The following COG7 variants were observed in gnomAD, a reference collection of about 807,000 sequenced individuals.
COG7 encodes component of oligomeric golgi complex 7.
A neutral mutation model predicts 91.5 loss-of-function variants in COG7; 49 were observed. The ratio of observed to expected loss-of-function variants is 0.54; its 90% CI spans 0.43 to 0.68. COG7 has a LOEUF of 0.68. Among genes scored for constraint, COG7 ranks in the 30% least tolerant of loss-of-function variants. The probability of loss-of-function intolerance (pLI) is 0.00; values close to 1 mark genes in which losing one functional copy is unlikely to be tolerated. For synonymous variants in COG7, 365 were observed against 388.7 expected (o/e 0.94, Z 0.72); for missense variants, 895 against 961.3 (o/e 0.93, Z 0.91).
chr16:23,431,811 G>GAAAAA, intron 6 of COG7, among the ~76,000 whole-genome samples: 1 of 43,254 alleles, frequency 2.3e-5, no homozygotes, highest in East Asian at 8.0e-4. Flanking sequence ...TCTGTCTGAA[G>GAAAAA]AAAAAAAAAA....
intron 6 of COG7, among the ~76,000 whole-genome samples, chr16:23,430,306 G>A (rs1049833927): frequency 2.6e-5 from 4 of 151,956 alleles, no homozygotes; most frequent in Non-Finnish European, 5.9e-5. Flanking sequence ...GCACGCACCT[G>A]TAGTCCCAGT....
At chr16:23,405,940 G>A in intron 12 of COG7, 136 bp downstream of exon 12, 3 of 793,642 alleles carry the variant, frequency 3.8e-6, no homozygotes, top group Non-Finnish European at 6.7e-6. Context: ...CAACATAAAT[G>A]AGACAGAGAG....
Position 23,404,395 on chromosome 16 carries a change from A to T in COG7, c.1663-561T>A, listed in dbSNP as rs118164971. Among the ~76,000 whole-genome samples the T allele has an allele frequency of 6.9e-3, 1,049 of 152,388 alleles. 5 individuals are homozygous for T. The highest frequency in any genetic ancestry group is 0.011 in the Non-Finnish European group (774 of 68,036). ...TATAAATGAACTGATTACAACAGAC[A>T]TAAATCAGATTAGCAATAAAGATAA... On this transcript the variant is annotated intron_variant, in intron 12 of 16. Transcript: ENST00000307149.
intron 8 of COG7, chr16:23,417,376 A>C (rs768778243): frequency 1.5e-5 from 8 of 532,632 alleles, no homozygotes; most frequent in Non-Finnish European, 2.7e-5. Context: ...AATGTTTTTC[A>C]TTGCTTTCCT....
At chr16:23,413,671 C>A in intron 9 of COG7, 107 bp from the exon 10 acceptor site, 1 of 769,372 alleles carries the variant, frequency 1.3e-6, no homozygotes, top group Non-Finnish European at 2.4e-6. Flanking sequence ...GCCTTGAGAG[C>A]ATCTTTAGAG....
rs1251917924 is a variant in COG7 at position 23,423,187 on chromosome 16, G to A, written c.1009+1562C>T. ...TCGAGACCAGCCTGGCCAACATGGC[G>A]AAACCCCATCTCTACTAAAAAATAC... On this transcript the variant is annotated intron_variant, in intron 7 of 16. Transcript: ENST00000307149. 5.9e-5 allele frequency among the ~76,000 whole-genome samples: 9 copies of A among 151,782 alleles called. 1 individual carries two copies. Among genetic ancestry groups the A allele is most frequent in the African/African-American group, 1.7e-4 (7 of 41,368 alleles).
At chr16:23,443,579 T>G (rs1365559980) in intron 3 of COG7, among the ~76,000 whole-genome samples, 1 of 151,432 alleles carries the variant, frequency 6.6e-6, no homozygotes, top group Non-Finnish European at 1.5e-5. Context: ...TAATCCCAGC[T>G]ACTCGGGAGG....
chr16:23,438,169 A>C (rs1964042293), intron 4 of COG7, among the ~76,000 whole-genome samples: 2 of 152,310 alleles, frequency 1.3e-5, no homozygotes, highest in African/African-American at 4.8e-5. Flanking sequence ...GAATGGGAGA[A>C]AATATTTGCA....
At chr16:23,447,483 T>C (rs1446811203) in intron 1 of COG7, among the ~76,000 whole-genome samples, 1 of 150,726 alleles carries the variant, frequency 6.6e-6, no homozygotes, top group Non-Finnish European at 1.5e-5. Context: ...AGTGCTGGGA[T>C]TACAGGCATA....
At chr16:23,429,237 G>T (rs1376882932) in intron 6 of COG7, among the ~76,000 whole-genome samples, 1 of 151,580 alleles carries the variant, frequency 6.6e-6, no homozygotes, top group Non-Finnish European at 1.5e-5. Flanking sequence ...CAATCCTCCT[G>T]CCTTGGCCTC....
At chr16:23,426,834 A>AAAAAAAAG (rs1555495229) in intron 6 of COG7, among the ~76,000 whole-genome samples, 39 of 146,114 alleles carry the variant, frequency 2.7e-4, no homozygotes, top group East Asian at 6.1e-4. Context: ...AAAAAAAAAA[A>AAAAAAAAG]AAAGAAAGAA....
At chr16:23,435,196 T>G (rs1228708722) in intron 4 of COG7, among the ~76,000 whole-genome samples, 1 of 152,078 alleles carries the variant, frequency 6.6e-6, no homozygotes, top group Non-Finnish European at 1.5e-5. Flanking sequence ...AAACCCCATC[T>G]CTACTAAAAG....
At chr16:23,396,258 C>A (rs982686918) in intron 14 of COG7, among the ~76,000 whole-genome samples, 1 of 152,210 alleles carries the variant, frequency 6.6e-6, no homozygotes. Context: ...CTCCTCCTAG[C>A]CCTCATTCCC....
intron 5 of COG7, 151 bp from the exon 6 acceptor site, chr16:23,433,818 G>GTAA: frequency 1.4e-6 from 1 of 701,498 alleles, no homozygotes; most frequent in Non-Finnish European, 2.3e-6. Context: ...AAGAAAGGCA[G>GTAA]GAAAAAAAAA....
Position 23,442,485 on chromosome 16 carries a change from T to G in COG7, c.596A>C (p.Gln199Pro), listed in dbSNP as rs750268303. ...SPQIVAAFTSQAVDQSKVFVK... is the reference protein window; with the variant it reads ...SPQIVAAFTSPAVDQSKVFVK... ...AAGCAGCTAGCACTCACCTACAGCC[T>G]GAGAGGTGAATGCCGCTACAATCTG... Residue 199 changes from glutamine (Q) to proline (P), a missense_variant, in exon 4 of 17, where the codon CAG (glutamine) becomes CCG (proline). Transcript: ENST00000307149. The G allele has an allele frequency of 1.2e-6, 2 of 1,613,844 alleles. No individual in the cohort carries two copies. Among genetic ancestry groups the G allele is most frequent in the Non-Finnish European group, 1.7e-6 (2 of 1,179,892 alleles).
chr16:23,413,493 T>C lies in COG7; in HGVS notation c.1364A>G (p.Asn455Ser), dbSNP rs1963601071. 6.2e-7 allele frequency: 1 copy of C among 1,612,290 alleles called. No homozygotes were observed. The highest frequency in any genetic ancestry group is 8.5e-7 in the Non-Finnish European group (1 of 1,178,494). ...CGTCCAATCTTCCTGGAAGAGGGAG[T>C]TGGGAGGAATGTGGTCCAGTTTGCA... ...KKCKLDHIPP[N>S]SLFQEDWTAF... is the part of the protein sequence containing the mutation. The change falls in exon 10 of 17, where the codon AAC becomes AGC. Residue 455 changes from asparagine (N) to serine (S), a missense_variant. Transcript: ENST00000307149.
chr16:23,415,753 G>A (rs1337997548), intron 9 of COG7: 2 of 152,088 alleles, frequency 1.3e-5, no homozygotes, highest in Admixed American at 6.6e-5. Context: ...CTTCATCCTA[G>A]TTCGAGTTAG....
At chr16:23,449,934 CATT>C (rs887855008) in intron 1 of COG7, among the ~76,000 whole-genome samples, 1 of 151,578 alleles carries the variant, frequency 6.6e-6, no homozygotes, top group Non-Finnish European at 1.5e-5. Context: ...GCTATTATAT[CATT>C]ATTATTATTA....
chr16:23,396,135 G>A (rs751905635), intron 14 of COG7, among the ~76,000 whole-genome samples: 6 of 152,176 alleles, frequency 3.9e-5, no homozygotes, highest in Non-Finnish European at 8.8e-5. Flanking sequence ...ACCTGGCACT[G>A]TCTCTGCACA....
Sources: allele counts gnomAD v4.1 joint callset (sites outside exome capture counted in the v4.1 genomes callset), GRCh38; gene constraint gnomAD v4.1.1; transcripts MANE v1.5; gene names NCBI Gene and HGNC (gene_info 2026-07-23, HGNC 2026-07-21).